The following CYFIP2 variants were observed in gnomAD, a reference collection of about 807,000 sequenced individuals.
CYFIP2 encodes cytoplasmic FMR1 interacting protein 2, also known as cytoplasmic FMR1-interacting protein 2.
CYFIP2 carries 29 observed loss-of-function variants against 158.7 expected under a neutral mutation model. That is an observed-to-expected ratio of 0.18 (90% confidence interval 0.14 to 0.25). The LOEUF (loss-of-function observed/expected upper bound fraction) is 0.25, where lower values mean the gene tolerates loss of function less well. Ranked by LOEUF, CYFIP2 falls within the 10% of genes least tolerant of loss-of-function variation. The probability of loss-of-function intolerance (pLI) is 1.00; values close to 1 mark genes in which losing one functional copy is unlikely to be tolerated. For missense variants in CYFIP2, 852 were observed against 1,639.5 expected, an observed-to-expected ratio of 0.52 and a Z score of 8.29; for synonymous variants, 585 against 617.6, an observed-to-expected ratio of 0.95 and a Z score of 0.78.
At chr5:157,284,356 A>ATG (rs1757216534) in intron 1 of CYFIP2, among the ~76,000 whole-genome samples, 1 of 152,204 alleles carries the variant, frequency 6.6e-6, no homozygotes, top group African/African-American at 2.4e-5. Context: ...ACCTTGAAGT[A>ATG]TGTTTTATAA....
At chr5:157,325,392 G>T in intron 16 of CYFIP2, 90 bp from the exon 17 acceptor site, 1 of 1,389,020 alleles carries the variant, frequency 7.2e-7, no homozygotes, top group South Asian at 1.7e-5. Flanking sequence ...CTAACACAGT[G>T]ACAATAACAA....
intron 1 of CYFIP2, among the ~76,000 whole-genome samples, chr5:157,278,742 G>T (rs1003051492): frequency 5.3e-5 from 8 of 152,236 alleles, no homozygotes; most frequent in Admixed American, 5.2e-4. Context: ...TTGAAAACAG[G>T]CCACAGACTA....
At chr5:157,309,222 C>T (rs1003438436) in intron 9 of CYFIP2, among the ~76,000 whole-genome samples, 1 of 152,190 alleles carries the variant, frequency 6.6e-6, no homozygotes, top group Non-Finnish European at 1.5e-5. Context: ...ATGAGAAGCA[C>T]ATAATAAATA....
At chr5:157,271,144 G>A (rs1283919298) in intron 1 of CYFIP2, among the ~76,000 whole-genome samples, 2 of 152,198 alleles carry the variant, frequency 1.3e-5, no homozygotes, top group African/African-American at 4.8e-5. Context: ...GGTAAGATTT[G>A]AGAAGGGAAG....
chr5:157,370,200 T>G (rs1392938946), intron 26 of CYFIP2, among the ~76,000 whole-genome samples: 1 of 152,130 alleles, frequency 6.6e-6, no homozygotes. Flanking sequence ...TTTTAAAAGC[T>G]CCACACTTGA....
intron 8 of CYFIP2, among the ~76,000 whole-genome samples, chr5:157,306,282 A>G (rs894046567): frequency 2.6e-5 from 4 of 152,230 alleles, no homozygotes; most frequent in African/African-American, 9.6e-5. Context: ...TCCCAACATC[A>G]GAAATCCGGA....
chr5:157,338,750 T>C (rs1348019853), intron 21 of CYFIP2, among the ~76,000 whole-genome samples: 2 of 152,218 alleles, frequency 1.3e-5, no homozygotes, highest in Admixed American at 6.5e-5. Context: ...AAGCTTGTTC[T>C]CTACCCAAAA....
intron 26 of CYFIP2, among the ~76,000 whole-genome samples, chr5:157,369,534 C>A (rs900360210): frequency 6.6e-6 from 1 of 152,186 alleles, no homozygotes; most frequent in African/African-American, 2.4e-5. Context: ...CCTCAAGATA[C>A]CACCATTTGA....
chr5:157,385,223 T>TA (rs1396591674), intron 28 of CYFIP2, among the ~76,000 whole-genome samples: 1 of 152,236 alleles, frequency 6.6e-6, no homozygotes, highest in Non-Finnish European at 1.5e-5. Flanking sequence ...TTCCCTGTTC[T>TA]GGTGAACACC....
intron 26 of CYFIP2, among the ~76,000 whole-genome samples, chr5:157,367,516 C>T (rs975448803): frequency 1.3e-4 from 20 of 152,290 alleles, no homozygotes; most frequent in South Asian, 4.1e-4. Context: ...GTCCAAAGAT[C>T]CTTAAGGTTA....
chr5:157,392,375 T>C (rs916159117), intron 30 of CYFIP2, among the ~76,000 whole-genome samples: 1 of 152,228 alleles, frequency 6.6e-6, no homozygotes, highest in Non-Finnish European at 1.5e-5. Context: ...GTTACGTCTC[T>C]AATCCATTCT....
chr5:157,372,824 T>C (rs1353613675), intron 26 of CYFIP2, among the ~76,000 whole-genome samples: 1 of 152,134 alleles, frequency 6.6e-6, no homozygotes, highest in African/African-American at 2.4e-5. Context: ...AGAGAACACC[T>C]CTGGCAGCCA....
chr5:157,339,356 A>C, intron 22 of CYFIP2, 100 bp downstream of exon 22: 1 of 1,070,480 alleles, frequency 9.3e-7, no homozygotes. Context: ...TGGTTCCTGC[A>C]ACAGGTGTCT....
intron 26 of CYFIP2, among the ~76,000 whole-genome samples, chr5:157,380,652 TCCTC>T (rs1225903617): frequency 7.9e-5 from 12 of 152,052 alleles, no homozygotes; most frequent in African/African-American, 2.9e-4. Flanking sequence ...AGAGCAAAAA[TCCTC>T]AACAAAATGT....
At chr5:157,347,913 C>A (rs544017210) in intron 23 of CYFIP2, among the ~76,000 whole-genome samples, 1 of 152,360 alleles carries the variant, frequency 6.6e-6, no homozygotes, top group South Asian at 2.1e-4. Flanking sequence ...GGCCAGGGTT[C>A]ATCCCGCTCC....
chr5:157,369,194 G>C (rs1178522059), intron 26 of CYFIP2, among the ~76,000 whole-genome samples: 1 of 151,998 alleles, frequency 6.6e-6, no homozygotes, highest in South Asian at 2.1e-4. Flanking sequence ...CACCGCGCCC[G>C]GCCATTCCCA....
intron 26 of CYFIP2, among the ~76,000 whole-genome samples, chr5:157,372,668 C>T (rs900985063): frequency 2.0e-5 from 3 of 152,146 alleles, no homozygotes; most frequent in African/African-American, 2.4e-5. Flanking sequence ...TTTATAGACG[C>T]ATTTGCTAGC....
intron 22 of CYFIP2, 54 bp from the exon 23 acceptor site, chr5:157,341,016 G>A: frequency 6.5e-7 from 1 of 1,533,592 alleles, no homozygotes; most frequent in Non-Finnish European, 9.0e-7. Context: ...TGTGTCCCAT[G>A]GAGAATAATA....
At chr5:157,344,410 G>A (rs1005051156) in intron 23 of CYFIP2, among the ~76,000 whole-genome samples, 7 of 152,024 alleles carry the variant, frequency 4.6e-5, no homozygotes, top group African/African-American at 9.7e-5. Context: ...CCGCTAATAC[G>A]TAGAAAAAGG....
Sources: allele counts gnomAD v4.1 joint callset (sites outside exome capture counted in the v4.1 genomes callset), GRCh38; gene constraint gnomAD v4.1.1; transcripts MANE v1.5; gene names NCBI Gene and HGNC (gene_info 2026-07-23, HGNC 2026-07-21).